TBC1D22A: variants seen among roughly 807,000 people sequenced by gnomAD.
TBC1D22A encodes the protein TBC1 domain family member 22A.
A neutral mutation model predicts 60.2 loss-of-function variants in TBC1D22A; 38 were observed. That is an observed-to-expected ratio of 0.63 (90% CI 0.49 to 0.83). The LOEUF is 0.83. Ranked by LOEUF, TBC1D22A falls within the 40% of genes least tolerant of loss-of-function variation. The probability of loss-of-function intolerance (pLI) is 0.00; values close to 1 mark genes in which losing one functional copy is unlikely to be tolerated. For synonymous variants in TBC1D22A, 302 were observed against 281.7 expected (o/e 1.07, Z -0.72); for missense variants, 628 against 701.0 (o/e 0.90, Z 1.18).
intron 9 of TBC1D22A, among the ~76,000 whole-genome samples, chr22:46,994,220 T>C (rs536511164): frequency 2.0e-5 from 3 of 152,156 alleles, no homozygotes; most frequent in Non-Finnish European, 4.4e-5. Flanking sequence ...AGGCAAAGAA[T>C]AACTTTTATT....
chr22:47,042,898 G>C (rs1280080430), intron 11 of TBC1D22A, among the ~76,000 whole-genome samples: 4 of 152,234 alleles, frequency 2.6e-5, no homozygotes, highest in African/African-American at 9.6e-5. Context: ...CATCCCTGGG[G>C]AGGGTGCGTC....
chr22:47,165,534 G>A (rs939470945), intron 12 of TBC1D22A, among the ~76,000 whole-genome samples: 4 of 148,494 alleles, frequency 2.7e-5, no homozygotes, highest in African/African-American at 5.3e-5. Context: ...CAGGCATGTC[G>A]CCTGCCTGGC....
At chr22:47,097,724 C>G (rs2065240350) in intron 11 of TBC1D22A, among the ~76,000 whole-genome samples, 1 of 152,154 alleles carries the variant, frequency 6.6e-6, no homozygotes, top group Non-Finnish European at 1.5e-5. Context: ...GTATATCTCT[C>G]TGTTAGGTTT....
At chr22:46,793,962 C>T in intron 3 of TBC1D22A, 121 bp downstream of exon 3, 1 of 922,634 alleles carries the variant, frequency 1.1e-6, no homozygotes, top group Non-Finnish European at 1.6e-6. Context: ...GGCCCCCTGG[C>T]CCACGAGAGC....
intron 8 of TBC1D22A, among the ~76,000 whole-genome samples, chr22:46,957,172 C>T (rs1439515174): frequency 6.6e-6 from 1 of 152,148 alleles, no homozygotes; most frequent in African/African-American, 2.4e-5. Flanking sequence ...CCAGGGGACC[C>T]CATGAAAGCA....
intron 11 of TBC1D22A, among the ~76,000 whole-genome samples, chr22:47,054,262 G>T (rs930374143): frequency 8.5e-5 from 13 of 152,242 alleles, no homozygotes; most frequent in African/African-American, 3.1e-4. Context: ...GGATCCTGAA[G>T]TCTCTCTTGG....
At chr22:47,112,948 C>T (rs376373820) in intron 12 of TBC1D22A, among the ~76,000 whole-genome samples, 33 of 152,166 alleles carry the variant, frequency 2.2e-4, no homozygotes, top group African/African-American at 6.0e-4. Context: ...AATGTGGAGG[C>T]GATAAGAGGG....
At chr22:46,766,544 T>C (rs2083293508) in intron 1 of TBC1D22A, among the ~76,000 whole-genome samples, 1 of 152,082 alleles carries the variant, frequency 6.6e-6, no homozygotes, top group South Asian at 2.1e-4. Context: ...TTCAACTCTT[T>C]TTTATTTTTG....
chr22:46,808,370 A>T (rs576840051), intron 4 of TBC1D22A, among the ~76,000 whole-genome samples: 1 of 152,310 alleles, frequency 6.6e-6, no homozygotes, highest in Non-Finnish European at 1.5e-5. Context: ...AAAATAAAAA[A>T]AAATAAAAAA....
rs2062988115 is a variant in TBC1D22A at position 47,045,142 on chromosome 22, G to A, written c.1329+7944G>A. 4.6e-5 allele frequency among the ~76,000 whole-genome samples: 7 copies of A among 152,344 alleles called. No individual in the cohort carries two copies. The South Asian group carries it at 1.4e-3, about 32-fold the overall frequency. On this transcript the variant is annotated intron_variant, in intron 11 of 12. Transcript: ENST00000337137. The stretch of plus-strand genomic sequence containing the variant: ...TGATTTGTATAATGTTTTGGGCGCT[G>A]ACTCGTACATTTATGATAGATAAGA...
At chr22:47,012,451 C>A (rs1285190708) in intron 10 of TBC1D22A, among the ~76,000 whole-genome samples, 3 of 152,150 alleles carry the variant, frequency 2.0e-5, no homozygotes, top group Non-Finnish European at 4.4e-5. Flanking sequence ...ATTGTCAGGC[C>A]CCTCACTGTC....
At chr22:46,943,820 T>C (rs1293665468) in intron 8 of TBC1D22A, among the ~76,000 whole-genome samples, 1 of 152,254 alleles carries the variant, frequency 6.6e-6, no homozygotes, top group African/African-American at 2.4e-5. Context: ...ATGTGGCCTT[T>C]TTTGATTGGC....
intron 11 of TBC1D22A, among the ~76,000 whole-genome samples, chr22:47,090,348 C>T (rs936429546): frequency 6.8e-6 from 1 of 146,968 alleles, no homozygotes; most frequent in African/African-American, 2.5e-5. Flanking sequence ...ACAGACGGGG[C>T]GTCTTGGAGG....
chr22:46,808,276 T>C (rs993827334), intron 4 of TBC1D22A, among the ~76,000 whole-genome samples: 3 of 151,492 alleles, frequency 2.0e-5, no homozygotes, highest in Non-Finnish European at 4.4e-5. Context: ...GAGAATTGCT[T>C]GAACCCGGGA....
chr22:47,141,539 G>A (rs1368047736), intron 12 of TBC1D22A, among the ~76,000 whole-genome samples: 1 of 152,246 alleles, frequency 6.6e-6, no homozygotes, highest in African/African-American at 2.4e-5. Flanking sequence ...CACTGTGAGT[G>A]GAACCCAGGG....
rs1227589772 is a variant in TBC1D22A at position 47,079,714 on chromosome 22, A to G, written c.1330-31794A>G. 3.9e-5 allele frequency among the ~76,000 whole-genome samples: 6 copies of G among 152,232 alleles called. No homozygotes were observed. The East Asian group carries it at 1.2e-3, about 29-fold the overall frequency. ...TTGATCCGAAAGAGTCTGGACATGT[A>G]GGAAAAAAGAGGAGTACAGAAGAGA... On this transcript the variant is annotated intron_variant, in intron 11 of 12. Transcript: ENST00000337137.
At chr22:46,813,762 G>C (rs1193970416) in intron 4 of TBC1D22A, among the ~76,000 whole-genome samples, 2 of 152,238 alleles carry the variant, frequency 1.3e-5, no homozygotes, top group Non-Finnish European at 1.5e-5. Flanking sequence ...TCAGGGGCCA[G>C]AATAGCTGCA....
intron 8 of TBC1D22A, among the ~76,000 whole-genome samples, chr22:46,939,361 A>G (rs538949797): frequency 9.7e-4 from 148 of 152,386 alleles, no homozygotes; most frequent in African/African-American, 3.4e-3. Flanking sequence ...TTCTAAGGAT[A>G]TGAAGGGAAT....
chr22:46,933,826 G>A (rs1412436115), intron 8 of TBC1D22A, among the ~76,000 whole-genome samples: 1 of 152,232 alleles, frequency 6.6e-6, no homozygotes, highest in African/African-American at 2.4e-5. Flanking sequence ...GCCACACGTG[G>A]CTTGGTTCTG....
Sources: allele counts gnomAD v4.1 joint callset (sites outside exome capture counted in the v4.1 genomes callset), GRCh38; gene constraint gnomAD v4.1.1; transcripts MANE v1.5; gene names NCBI Gene and HGNC (gene_info 2026-07-23, HGNC 2026-07-21).